Variants in GLIS1 observed in about 807,000 individuals in gnomAD.
GLIS1 encodes zinc finger protein GLIS1.
A neutral mutation model predicts 63.8 loss-of-function variants in GLIS1; 24 were observed. That is an observed-to-expected ratio of 0.38 (90% CI 0.27 to 0.53). GLIS1 has a LOEUF of 0.53. GLIS1 is among the 20% of genes least tolerant of loss of function. The pLI is 0.85. For missense variants in GLIS1, 1,036 were observed against 1,074.1 expected, an observed-to-expected ratio of 0.96 and a Z score of 0.50; for synonymous variants, 450 against 482.5, an observed-to-expected ratio of 0.93 and a Z score of 0.88.
chr1:53,581,475 A>G (rs1645083903), intron 4 of GLIS1, among the ~76,000 whole-genome samples: 1 of 152,188 alleles, frequency 6.6e-6, no homozygotes, highest in African/African-American at 2.4e-5. Context: ...CATATTGTGC[A>G]TCGGGAACTG....
chr1:53,613,142 T>C (rs1354714723), intron 2 of GLIS1, among the ~76,000 whole-genome samples: 1 of 152,248 alleles, frequency 6.6e-6, no homozygotes, highest in African/African-American at 2.4e-5. Context: ...AAATGCTTTT[T>C]ATATTTTATC....
rs1221508943 is a variant in GLIS1, at chr1:53,511,673, TGTG to T, written c.1884-1649_1884-1647del. On this transcript the variant is annotated intron_variant, in intron 8 of 10. Transcript: ENST00000628545. This position sits in a 1 kb window ranked among gnomAD's most constrained non-coding sequence, Gnocchi z 4.2. Reference sequence around the variant, plus strand: ...ATCATCATTATTTTTAGGCCTGTCTTGTGGGGTGATCAAGTGGGACAGCGTCTT... The same window carrying T: ...ATCATCATTATTTTTAGGCCTGTCTTGGGTGATCAAGTGGGACAGCGTCTT... Among the ~76,000 whole-genome samples the T allele has an allele frequency of 6.6e-6, 1 of 152,170 alleles. No homozygotes were observed. The highest frequency in any genetic ancestry group is 2.4e-5 in the African/African-American group (1 of 41,450).
intron 4 of GLIS1, among the ~76,000 whole-genome samples, chr1:53,588,680 G>C (rs1344502773): frequency 6.6e-6 from 1 of 152,214 alleles, no homozygotes; most frequent in East Asian, 1.9e-4. Context: ...TGTTGGGCAG[G>C]GGGCAGAAGG....
intron 2 of GLIS1, among the ~76,000 whole-genome samples, chr1:53,688,266 G>A (rs142805939): frequency 1.9e-3 from 288 of 152,346 alleles, no homozygotes; most frequent in Non-Finnish European, 3.6e-3. Flanking sequence ...TGGGCTCATG[G>A]GGGATAAATC....
intron 2 of GLIS1, among the ~76,000 whole-genome samples, chr1:53,609,266 C>CTTTTTTTTT (rs1221426769): frequency 7.0e-4 from 57 of 81,406 alleles, no homozygotes; most frequent in Admixed American, 1.0e-3. Flanking sequence ...GGGTTTAAAT[C>CTTTTTTTTT]TTTTTTTTTT....
chr1:53,709,221 C>T (rs1646612928), intron 2 of GLIS1, among the ~76,000 whole-genome samples: 2 of 151,742 alleles, frequency 1.3e-5, no homozygotes, highest in South Asian at 4.2e-4. Flanking sequence ...ACTCGCTTGC[C>T]CCAGAATCTG....
chr1:53,612,536 G>A (rs1457120629), intron 2 of GLIS1, among the ~76,000 whole-genome samples: 1 of 151,884 alleles, frequency 6.6e-6, no homozygotes, highest in Non-Finnish European at 1.5e-5. Context: ...CACCGCGCCT[G>A]GCCTGTTAGG....
chr1:53,687,087 G>A (rs986669833), intron 2 of GLIS1, among the ~76,000 whole-genome samples: 1 of 152,186 alleles, frequency 6.6e-6, no homozygotes, highest in African/African-American at 2.4e-5. Context: ...GCCTCCGAGG[G>A]GCAGAGCATG....
intron 2 of GLIS1, among the ~76,000 whole-genome samples, chr1:53,635,251 A>G (rs370698776): frequency 8.5e-5 from 13 of 152,282 alleles, no homozygotes; most frequent in Non-Finnish European, 1.9e-4. Context: ...GCCATAGAGC[A>G]AGCCTCGATA....
chr1:53,603,716 G>A (rs1026758775), intron 2 of GLIS1, among the ~76,000 whole-genome samples: 9 of 152,362 alleles, frequency 5.9e-5, no homozygotes, highest in Middle Eastern at 3.4e-3. Context: ...GTTGGCACCC[G>A]CAACCATGTC....
chr1:53,669,577 C>G (rs1395674562), intron 2 of GLIS1, among the ~76,000 whole-genome samples: 2 of 152,354 alleles, frequency 1.3e-5, no homozygotes, highest in East Asian at 3.9e-4. Flanking sequence ...AATATCCACT[C>G]TATGCCAGGC....
chr1:53,537,199 G>A (rs890807626), intron 4 of GLIS1, among the ~76,000 whole-genome samples: 1 of 152,218 alleles, frequency 6.6e-6, no homozygotes, highest in African/African-American at 2.4e-5. Flanking sequence ...GCTTGGGGAG[G>A]GGGAGGGCTG....
chr1:53,708,156 G>T (rs531519161), intron 2 of GLIS1, among the ~76,000 whole-genome samples: 15 of 152,194 alleles, frequency 9.9e-5, no homozygotes, highest in African/African-American at 3.6e-4. Flanking sequence ...GGTGGGGGAT[G>T]CCTGTAGTCC....
chr1:53,594,097 T>C lies in GLIS1; in HGVS notation c.1320+11A>G. 6.3e-7 allele frequency: 1 copy of C among 1,594,806 alleles called. No homozygotes were observed. Among genetic ancestry groups the C allele is most frequent in the Non-Finnish European group, 8.6e-7 (1 of 1,168,246 alleles). ...GGCTGGGGTGAGGCCTGGCGGCCGG[T>C]GGGAACTCACCATGCACTTGTTGGG... On this transcript the variant is annotated intron_variant, in intron 4 of 10. Coordinates refer to ENST00000628545, the MANE Select transcript of GLIS1 (RefSeq NM_001367484.1).
intron 1 of GLIS1, 121 bp from the exon 2 acceptor site, chr1:53,738,227 G>C: frequency 2.0e-6 from 1 of 504,590 alleles, no homozygotes; most frequent in Non-Finnish European, 3.1e-6. Flanking sequence ...ACATAGGTTA[G>C]CACCACGACA....
chr1:53,567,780 T>A (rs1172485108), intron 4 of GLIS1, among the ~76,000 whole-genome samples: 1 of 152,230 alleles, frequency 6.6e-6, no homozygotes, highest in Non-Finnish European at 1.5e-5. Context: ...GCCCCAAGCC[T>A]TGGAGGCTTC....
chr1:53,507,174 G>A (rs937352362), intron 10 of GLIS1, among the ~76,000 whole-genome samples: 4 of 152,176 alleles, frequency 2.6e-5, no homozygotes, highest in African/African-American at 9.7e-5. Context: ...CCTTTCAGTT[G>A]TATCCCCCAA....
chr1:53,638,088 G>A (rs1342362553), intron 2 of GLIS1, among the ~76,000 whole-genome samples: 1 of 152,240 alleles, frequency 6.6e-6, no homozygotes, highest in Admixed American at 6.5e-5. Flanking sequence ...GATCACTCTG[G>A]TGGTCTGGAG....
Position 53,702,538 on chromosome 1 carries a change from G to C in GLIS1, c.259+35268C>G, listed in dbSNP as rs1160371384. ...ACAGGAGAGAGAGACGGCTGACCCAGAGCCACCTGGCCACAGGCCAGAGTT... is the reference window on the plus strand; with the variant it reads ...ACAGGAGAGAGAGACGGCTGACCCACAGCCACCTGGCCACAGGCCAGAGTT... On this transcript the variant is annotated intron_variant, in intron 2 of 10. Coordinates refer to ENST00000628545, the MANE Select transcript of GLIS1 (RefSeq NM_001367484.1). Among the ~76,000 whole-genome samples, 3 of 152,192 alleles carry C rather than the reference G, an allele frequency of 2.0e-5. No individual in the cohort carries two copies. The South Asian group carries it at 6.2e-4, about 32-fold the overall frequency.
Sources: allele counts gnomAD v4.1 joint callset (sites outside exome capture counted in the v4.1 genomes callset), GRCh38; gene constraint gnomAD v4.1.1; non-coding constraint Gnocchi (gnomAD v3.1); transcripts MANE v1.5; gene names NCBI Gene and HGNC (gene_info 2026-07-23, HGNC 2026-07-21).